Variants in RSU1 observed in about 807,000 individuals in gnomAD.
RSU1 encodes the protein Ras suppressor protein 1, also known as rsu-1.
Under a neutral mutation model 31.1 loss-of-function variants are expected in RSU1, and 26 were observed. The observed-to-expected ratio is 0.84, with a 90% confidence interval of 0.61 to 1.16. RSU1 has a LOEUF of 1.16. Ranked by LOEUF, RSU1 falls within the 50% of genes most tolerant of loss-of-function variation. The probability of loss-of-function intolerance (pLI) is 0.00; values close to 1 mark genes in which losing one functional copy is unlikely to be tolerated. For missense variants in RSU1, 320 were observed against 339.1 expected (o/e 0.94, Z 0.44); for synonymous variants, 164 against 136.3 (o/e 1.20, Z -1.41).
chr10:16,736,534 G>A (rs556712651), intron 7 of RSU1, among the ~76,000 whole-genome samples: 2 of 152,124 alleles, frequency 1.3e-5, no homozygotes, highest in East Asian at 1.9e-4. Context: ...TTAACGACCT[G>A]CTAGAATGAA....
intron 7 of RSU1, among the ~76,000 whole-genome samples, chr10:16,726,347 A>G (rs894165118): frequency 2.0e-5 from 3 of 148,654 alleles, no homozygotes; most frequent in Admixed American, 2.0e-4. Context: ...GGCTCACTAC[A>G]ACCTCAGCCT....
chr10:16,737,210 CAATT>C (rs1172023161), intron 7 of RSU1, among the ~76,000 whole-genome samples: 2 of 151,736 alleles, frequency 1.3e-5, no homozygotes, highest in East Asian at 1.9e-4. Context: ...ACCAACCAAT[CAATT>C]AATTTTAAAA....
chr10:16,688,426 G>A (rs1835477937), intron 8 of RSU1, among the ~76,000 whole-genome samples: 1 of 152,074 alleles, frequency 6.6e-6, no homozygotes, highest in Non-Finnish European at 1.5e-5. Context: ...CCAACAAGGC[G>A]AAACCCTGTC....
chr10:16,680,115 C>A (rs1211925012), intron 8 of RSU1, among the ~76,000 whole-genome samples: 1 of 152,058 alleles, frequency 6.6e-6, no homozygotes, highest in Non-Finnish European at 1.5e-5. Flanking sequence ...CTCCTAACCT[C>A]AAGTGATCTG....
chr10:16,763,479 C>T (rs1349782021), intron 4 of RSU1, among the ~76,000 whole-genome samples: 5 of 152,200 alleles, frequency 3.3e-5, no homozygotes, highest in African/African-American at 1.2e-4. Flanking sequence ...CACTCACTAT[C>T]ACAAGGACAG....
chr10:16,796,867 A>C (rs7068881), intron 2 of RSU1, among the ~76,000 whole-genome samples: 1 of 151,966 alleles, frequency 6.6e-6, no homozygotes, highest in Admixed American at 6.5e-5. Flanking sequence ...AAAAAACTCC[A>C]AAATACAAGT....
chr10:16,645,697 C>T (rs2131506878), intron 8 of RSU1, among the ~76,000 whole-genome samples: 1 of 151,146 alleles, frequency 6.6e-6, no homozygotes, highest in African/African-American at 2.4e-5. Context: ...ATCCCAACTA[C>T]TTGGGAGGCT....
At chr10:16,803,942 T>C (rs1838214365) in intron 2 of RSU1, among the ~76,000 whole-genome samples, 1 of 152,128 alleles carries the variant, frequency 6.6e-6, no homozygotes, top group Non-Finnish European at 1.5e-5. Context: ...TTAGATACAA[T>C]ACCAAAGGCA....
chr10:16,711,268 T>C (rs762547585), intron 7 of RSU1, among the ~76,000 whole-genome samples: 5 of 152,184 alleles, frequency 3.3e-5, no homozygotes, highest in Non-Finnish European at 5.9e-5. Context: ...TCCTTTTCCA[T>C]CTCTGATTTT....
At chr10:16,689,012 G>GA (rs34750489) in intron 8 of RSU1, among the ~76,000 whole-genome samples, 4,877 of 123,180 alleles carry the variant, frequency 0.04, 227 homozygotes, top group African/African-American at 0.13. Context: ...TGTCCCTAAG[G>GA]AAAAAAAAAA....
At chr10:16,625,386 TA>T (rs1834137653) in intron 8 of RSU1, among the ~76,000 whole-genome samples, 1 of 152,162 alleles carries the variant, frequency 6.6e-6, no homozygotes, top group Non-Finnish European at 1.5e-5. Flanking sequence ...GGGGACTTTT[TA>T]AACTAGAAAA....
chr10:16,746,761 G>T (rs1836863895), intron 7 of RSU1, among the ~76,000 whole-genome samples: 1 of 149,794 alleles, frequency 6.7e-6, no homozygotes, highest in African/African-American at 2.5e-5. Context: ...TACCAACGCA[G>T]GATTTTTATC....
chr10:16,796,909 T>C (rs59998916), intron 2 of RSU1, among the ~76,000 whole-genome samples: 27,778 of 152,114 alleles, frequency 0.18, 2,605 homozygotes, highest in Middle Eastern at 0.22. Context: ...AACCCAAAGA[T>C]TGGCATGATA....
At chr10:16,662,316 T>A (rs1458791864) in intron 8 of RSU1, among the ~76,000 whole-genome samples, 2 of 152,206 alleles carry the variant, frequency 1.3e-5, no homozygotes, top group Non-Finnish European at 2.9e-5. Flanking sequence ...GAAATACTGG[T>A]AAATTTTTTG....
At position 16,643,086 on chromosome 10, in the gene RSU1, T is replaced by A. The variant is rs548863833; in HGVS notation, c.732-49590A>T. The stretch of plus-strand genomic sequence containing the variant: ...AAAACAGCACGGCTATGTAGAGATA[T>A]CACCTTGAAGGACAGTTGTGAATCT... On this transcript the variant is annotated intron_variant, in intron 8 of 8. Transcript: ENST00000345264. Among the ~76,000 whole-genome samples the A allele has an allele frequency of 4.7e-4, 72 of 152,322 alleles. No homozygotes were observed. The South Asian group carries it at 0.014, about 29-fold the overall frequency.
intron 4 of RSU1, among the ~76,000 whole-genome samples, chr10:16,762,484 A>G (rs2131629552): frequency 6.6e-6 from 1 of 151,342 alleles, no homozygotes; most frequent in Admixed American, 6.6e-5. Flanking sequence ...GCTTTGCCAG[A>G]TGGGTATACA....
At chr10:16,789,849 C>T (rs1471143806) in intron 2 of RSU1, among the ~76,000 whole-genome samples, 1 of 152,196 alleles carries the variant, frequency 6.6e-6, no homozygotes, top group Admixed American at 6.5e-5. Flanking sequence ...CTATGCTTTG[C>T]CCGGGCATTT....
At chr10:16,701,279 T>C (rs1002353014) in intron 7 of RSU1, among the ~76,000 whole-genome samples, 5 of 152,246 alleles carry the variant, frequency 3.3e-5, no homozygotes, top group African/African-American at 1.2e-4. Context: ...CCTATTGCAG[T>C]GAACATCACG....
intron 8 of RSU1, among the ~76,000 whole-genome samples, chr10:16,678,641 G>T (rs755409556): frequency 3.3e-5 from 5 of 152,134 alleles, no homozygotes; most frequent in Non-Finnish European, 5.9e-5. Flanking sequence ...ACTTCCTACT[G>T]GGGAGTATTT....
Sources: gnomAD v4.1 joint callset for allele counts (sites outside exome capture counted in the v4.1 genomes callset) on GRCh38, gnomAD v4.1.1 for gene constraint, MANE v1.5 for transcripts, NCBI Gene and HGNC (gene_info 2026-07-23, HGNC 2026-07-21) for gene names.